The following TET2 variants were observed in gnomAD, a reference collection of about 807,000 sequenced individuals.
TET2 encodes the protein methylcytosine dioxygenase TET2.
Under a neutral mutation model 142.9 loss-of-function variants are expected in TET2, and 299 were observed. The ratio of observed to expected loss-of-function variants is 2.09; its 90% confidence interval spans 1.90 to 2.30. The LOEUF is 2.30. TET2 is among the 30% of genes most tolerant of loss of function. The pLI is 0.00. For missense variants in TET2, 2,418 were observed against 2,378.0 expected, an observed-to-expected ratio of 1.02 and a Z score of -0.35; for synonymous variants, 819 against 849.0, an observed-to-expected ratio of 0.96 and a Z score of 0.61.
intron 2 of TET2, among the ~76,000 whole-genome samples, chr4:105,224,684 G>GTTTCTCTCTCTCTCTCTC (rs754234169): frequency 1.9e-5 from 2 of 108,106 alleles, no homozygotes; most frequent in African/African-American, 7.1e-5. Flanking sequence ...ATATCAGCCA[G>GTTTCTCTCTCTCTCTCTC]TCTCTCTCTC....
At chr4:105,154,598 CAT>C (rs1348720467) in intron 1 of TET2, among the ~76,000 whole-genome samples, 1 of 152,134 alleles carries the variant, frequency 6.6e-6, no homozygotes, top group Non-Finnish European at 1.5e-5. Context: ...CTTTAGAGCT[CAT>C]ATGGGAAGAT....
chr4:105,210,583 G>T (rs569121083), intron 2 of TET2, among the ~76,000 whole-genome samples: 1 of 152,036 alleles, frequency 6.6e-6, no homozygotes, highest in African/African-American at 2.4e-5. Flanking sequence ...GAGCTTATTC[G>T]AAATAGAAGC....
rs749710391 is a variant in TET2, at chr4:105,234,309, C to A, written c.367C>A (p.Arg123Ser). 1 of 1,614,074 alleles carries A rather than the reference C, an allele frequency of 6.2e-7. No individual in the cohort carries two copies. The highest frequency in any genetic ancestry group is 2.2e-5 in the East Asian group (1 of 44,844). Residue 123 changes from arginine to serine, a missense_variant, in exon 3 of 11, where the codon CGT (arginine) becomes AGT (serine). Coordinates refer to ENST00000380013, the MANE Select transcript of TET2 (RefSeq NM_001127208.3). ...KQDQKANGERRNFGVSQERNP... is the reference protein window; with the variant it reads ...KQDQKANGERSNFGVSQERNP... ...AGACCAAAAGGCTAATGGAGAAAGACGTAACTTCGGGGTAAGCCAAGAAAG... is the reference window on the plus strand; with the variant it reads ...AGACCAAAAGGCTAATGGAGAAAGAAGTAACTTCGGGGTAAGCCAAGAAAG...
intron 2 of TET2, among the ~76,000 whole-genome samples, chr4:105,222,899 G>A (rs1294132202): frequency 1.3e-5 from 2 of 152,314 alleles, no homozygotes; most frequent in East Asian, 1.9e-4. Flanking sequence ...TGTATAAGGT[G>A]TAAGGAAGGG....
chr4:105,272,124 G>A (rs967152818), intron 9 of TET2, among the ~76,000 whole-genome samples: 1 of 152,136 alleles, frequency 6.6e-6, no homozygotes, highest in Non-Finnish European at 1.5e-5. Flanking sequence ...TATGAGATGA[G>A]GCAAATGTGA....
At chr4:105,243,398 T>C (rs1424876083) in intron 5 of TET2, among the ~76,000 whole-genome samples, 172 bp from the exon 6 acceptor site, 1 of 152,140 alleles carries the variant, frequency 6.6e-6, no homozygotes, top group Non-Finnish European at 1.5e-5. Context: ...AAAGCCCACT[T>C]TTTATAGATG....
intron 10 of TET2, 90 bp downstream of exon 10, chr4:105,273,008 A>T: frequency 2.0e-6 from 2 of 1,018,258 alleles, no homozygotes; most frequent in Non-Finnish European, 2.8e-6. Flanking sequence ...ATCAACTTGT[A>T]AGTTCTGGGG....
chr4:105,157,899 A>C (rs967243054), intron 1 of TET2, among the ~76,000 whole-genome samples: 17 of 152,008 alleles, frequency 1.1e-4, no homozygotes, highest in African/African-American at 4.1e-4. Context: ...CTGGTCTCGA[A>C]CTCCTGACCT....
intron 3 of TET2, chr4:105,239,610 T>G (rs765187378): frequency 5.4e-5 from 13 of 239,752 alleles, no homozygotes; most frequent in African/African-American, 8.9e-5. Context: ...AAGCTTTGGC[T>G]TAAGGAATGT....
At position 105,234,388 on chromosome 4, in the gene TET2, A is replaced by T. The variant is rs947073161; in HGVS notation, c.446A>T (p.Glu149Val). Residue 149 changes from glutamate to valine, a missense_variant, in exon 3 of 11, where the codon GAA becomes GTA. Physicochemically the swap from Glu to Val is moderately radical, Grantham distance 121 (BLOSUM62 -2). Coordinates refer to ENST00000380013, the MANE Select transcript of TET2 (RefSeq NM_001127208.3). ...PNVSDLSDKK[E>V]SVSSVAQENA... ...GTCTCCGATTTGAGTGATAAGAAAG[A>T]ATCTGTGAGTTCTGTAGCCCAAGAA... The T allele has an allele frequency of 3.1e-6, 5 of 1,613,972 alleles. No individual in the cohort carries two copies. Among genetic ancestry groups the T allele is most frequent in the Non-Finnish European group, 4.2e-6 (5 of 1,180,026 alleles).
chr4:105,178,757 C>A (rs75101695), intron 1 of TET2, among the ~76,000 whole-genome samples: 1 of 151,822 alleles, frequency 6.6e-6, no homozygotes, highest in East Asian at 1.9e-4. Flanking sequence ...TGCACATGTA[C>A]CCTAAAACTT....
At chr4:105,221,699 CTT>C (rs200287976) in intron 2 of TET2, among the ~76,000 whole-genome samples, 1 of 151,004 alleles carries the variant, frequency 6.6e-6, no homozygotes, top group Non-Finnish European at 1.5e-5. Flanking sequence ...AGTCCTTTTT[CTT>C]TTTTTTTATT....
At chr4:105,240,225 A>G (rs185254448) in intron 3 of TET2, 1 of 426,030 alleles carries the variant, frequency 2.3e-6, no homozygotes, top group East Asian at 6.4e-5. Context: ...TGATAGACAT[A>G]CTTAACACGT....
chr4:105,213,997 T>C (rs1271122673), intron 2 of TET2, among the ~76,000 whole-genome samples: 1 of 152,136 alleles, frequency 6.6e-6, no homozygotes, highest in Non-Finnish European at 1.5e-5. Flanking sequence ...TAGCTGGGAC[T>C]ATACCACCAT....
In TET2 at chr4:105,275,051, T is replaced by A. The variant is rs2110311121; in HGVS notation, c.4541T>A (p.Leu1514His). 6.6e-7 allele frequency: 1 copy of A among 1,524,950 alleles called. No homozygotes were observed. The highest frequency in any genetic ancestry group is 1.3e-5 in the South Asian group (1 of 78,776). The allele number at this position is 1,524,950 out of a possible 1,614,324, so 94.5% of individuals were successfully genotyped here. A position where few individuals can be genotyped will look rare whatever the true frequency, so the allele number is the denominator to read the frequency against. ...NASQAKQLAE[L>H]LRLSGPVMQQ... ...TTCTCTCTTACCCTGTCCACAGAAC[T>A]TTTGCGACTTTCAGGACCAGTCATG... is the stretch of plus-strand genomic sequence containing the variant. The change falls in exon 11 of 11, where the codon CTT (leucine) becomes CAT (histidine). Residue 1514 changes from leucine (L) to histidine (H), a missense_variant. Leu to His is a moderately conservative substitution (Grantham distance 99). Coordinates refer to ENST00000380013, the MANE Select transcript of TET2 (RefSeq NM_001127208.3).
At chr4:105,259,844 T>C (rs1284427424) in intron 7 of TET2, 75 bp downstream of exon 7, 3 of 1,389,268 alleles carry the variant, frequency 2.2e-6, no homozygotes, top group East Asian at 2.5e-5. Context: ...GTGAACAATA[T>C]GACATATCTT....
At chr4:105,227,863 C>A (rs562216727) in intron 2 of TET2, among the ~76,000 whole-genome samples, 25 of 152,228 alleles carry the variant, frequency 1.6e-4, no homozygotes, top group African/African-American at 5.3e-4. Flanking sequence ...AATAGCAGGT[C>A]AATATCTACA....
At chr4:105,245,173 T>C (rs1206340061) in intron 6 of TET2, among the ~76,000 whole-genome samples, 1 of 152,226 alleles carries the variant, frequency 6.6e-6, no homozygotes, top group Non-Finnish European at 1.5e-5. Flanking sequence ...AAAGTTACTC[T>C]TTCTATATGA....
Position 105,277,385 on chromosome 4 carries a change from A to G in TET2, c.*866A>G, listed in dbSNP as rs993192540. ...AACATGTATATGTGCACACACATGT[A>G]TATGTATAAATATTTTAAATGGTGT... On this transcript the variant is annotated 3_prime_UTR_variant, in exon 11 of 11. Coordinates refer to ENST00000380013, the MANE Select transcript of TET2 (RefSeq NM_001127208.3). The G allele has an allele frequency of 9.0e-6, 2 of 222,882 alleles. No homozygotes were observed. The highest frequency in any genetic ancestry group is 1.3e-4 in the East Asian group (2 of 15,352). 13.8% of individuals were successfully genotyped at this position (222,882 alleles called of 1,614,324 possible). A position where few individuals can be genotyped will look rare whatever the true frequency, so the allele number is the denominator to read the frequency against.
Sources: allele counts gnomAD v4.1 joint callset (sites outside exome capture counted in the v4.1 genomes callset), GRCh38; gene constraint gnomAD v4.1.1; transcripts MANE v1.5; gene names NCBI Gene and HGNC (gene_info 2026-07-23, HGNC 2026-07-21).